Variants in ATF7IP observed in about 807,000 individuals in gnomAD.
ATF7IP encodes activating transcription factor 7 interacting protein, also known as activating transcription factor 7-interacting protein 1.
In ATF7IP, 23 loss-of-function variants were observed where a neutral mutation model predicts 106.4. The observed-to-expected ratio is 0.22, with a 90% CI of 0.16 to 0.31. ATF7IP has a LOEUF of 0.31. Among genes scored for constraint, ATF7IP ranks in the 10% least tolerant of loss-of-function variants. The pLI, the probability that ATF7IP is intolerant of heterozygous loss-of-function variation, is 1.00. For missense variants in ATF7IP, 1,334 were observed against 1,524.3 expected (o/e 0.88, Z 2.08); for synonymous variants, 542 against 539.0 (o/e 1.01, Z -0.08).
At chr12:14,423,574 C>CTTTTTT in intron 1 of ATF7IP, among the ~76,000 whole-genome samples, 9 of 34,380 alleles carry the variant, frequency 2.6e-4, no homozygotes, top group African/African-American at 5.9e-4. Context: ...TCTTCAGGTA[C>CTTTTTT]TTTTTTTTTT....
Position 14,424,821 on chromosome 12 carries a change from A to T in ATF7IP, c.906A>T (p.Glu302Asp). The change falls in exon 2 of 15, where the codon GAA becomes GAT. Residue 302 changes from glutamate to aspartate, a missense_variant. Glu to Asp is a conservative substitution (Grantham distance 45). This residue lies in a region of ATF7IP where 438 missense variants were observed against 405.3 expected (regional missense o/e 1.08). Transcript: ENST00000261168. ...KSVPVCEPVP[E>D]IDNIEPSSNK... ...TACCAGTTTGTGAACCAGTTCCTGA[A>T]ATTGACAATATAGAACCAAGTAGCA... 6.2e-7 allele frequency: 1 copy of T among 1,614,120 alleles called. No homozygotes were observed.
chr12:14,481,711 A>G (rs2136815653), intron 13 of ATF7IP: 2 of 353,880 alleles, frequency 5.7e-6, no homozygotes, highest in South Asian at 4.4e-5. Context: ...ATAGTACACA[A>G]TTTGATATTG....
At chr12:14,447,501 C>G (rs928629986) in intron 6 of ATF7IP, among the ~76,000 whole-genome samples, 2 of 151,920 alleles carry the variant, frequency 1.3e-5, no homozygotes, top group African/African-American at 4.8e-5. Flanking sequence ...AGGCTGGTCT[C>G]GAACTCCCAA....
In ATF7IP at chr12:14,460,758, A is replaced by G. The variant is rs748492722; in HGVS notation, c.2422A>G (p.Asn808Asp). The change falls in exon 9 of 15, where the codon AAT (asparagine) becomes GAT (aspartate). Residue 808 changes from asparagine (N) to aspartate (D), a missense_variant. Asn to Asp is a conservative substitution (Grantham distance 23, BLOSUM62 1). This residue lies in a region of ATF7IP where 16 missense variants were observed against 43.5 expected (regional missense o/e 0.37). Transcript: ENST00000261168. ...GAGCCATCCAGGGACTTTGGTGACT[A>G]ATCAACCATCTGGCAATGTTGAATT... ...LQSHPGTLVT[N>D]QPSGNVEFIS... 1.2e-6 allele frequency: 2 copies of G among 1,614,212 alleles called. No individual in the cohort carries two copies. Among genetic ancestry groups the G allele is most frequent in the South Asian group, 2.2e-5 (2 of 91,090 alleles).
intron 2 of ATF7IP, 23 bp downstream of exon 2, chr12:14,425,496 A>G: frequency 3.3e-6 from 5 of 1,492,996 alleles, no homozygotes; most frequent in Non-Finnish European, 4.4e-6. Flanking sequence ...CTTAAATGTT[A>G]AAGATTTTTT....
intron 10 of ATF7IP, among the ~76,000 whole-genome samples, chr12:14,471,194 C>G (rs1944028644): frequency 6.6e-6 from 1 of 151,842 alleles, no homozygotes; most frequent in Admixed American, 6.6e-5. Context: ...GTTATAAAGC[C>G]CCATCTATGG....
At chr12:14,447,632 A>G (rs1943035028) in intron 6 of ATF7IP, among the ~76,000 whole-genome samples, 1 of 152,126 alleles carries the variant, frequency 6.6e-6, no homozygotes, top group Admixed American at 6.5e-5. Flanking sequence ...CTTTAAAATT[A>G]GGCTTCAGGG....
intron 12 of ATF7IP, 123 bp downstream of exon 12, chr12:14,478,595 T>A: frequency 9.1e-7 from 1 of 1,104,618 alleles, no homozygotes; most frequent in Non-Finnish European, 1.3e-6. Context: ...AGGACTACAG[T>A]GCATGTCCTT....
chr12:14,432,429 T>C (rs1217257260), intron 2 of ATF7IP, among the ~76,000 whole-genome samples: 1 of 152,228 alleles, frequency 6.6e-6, no homozygotes, highest in African/African-American at 2.4e-5. Flanking sequence ...CAAATTTTTA[T>C]TTCACTGAAA....
chr12:14,424,582 G>A lies in ATF7IP; in HGVS notation c.667G>A (p.Asp223Asn). ...EPVPVEPISG[D>N]CAADDIASSE... ...GGTCCCTGTTGAACCCATTTCTGGTGATTGTGCCGCTGATGATATAGCCTC... is the reference window on the plus strand; with the variant it reads ...GGTCCCTGTTGAACCCATTTCTGGTAATTGTGCCGCTGATGATATAGCCTC... Residue 223 changes from aspartate (D) to asparagine (N), a missense_variant, in exon 2 of 15, where the codon GAT becomes AAT. Asp to Asn is a conservative substitution (Grantham distance 23, BLOSUM62 1). Transcript: ENST00000261168. The A allele has an allele frequency of 6.2e-7, 1 of 1,614,170 alleles. No homozygotes were observed.
chr12:14,474,181 G>C (rs1591942004), intron 10 of ATF7IP, among the ~76,000 whole-genome samples: 1 of 151,232 alleles, frequency 6.6e-6, no homozygotes, highest in Non-Finnish European at 1.5e-5. Context: ...ATTTTCTTCT[G>C]TTTTTCTTTG....
At chr12:14,489,786 C>T (rs749096195) in intron 13 of ATF7IP, among the ~76,000 whole-genome samples, 1 of 152,188 alleles carries the variant, frequency 6.6e-6, no homozygotes, top group Non-Finnish European at 1.5e-5. Flanking sequence ...GCTGCACTTA[C>T]TCAGCCGTAC....
At chr12:14,491,311 T>A (rs1221945125) in intron 13 of ATF7IP, among the ~76,000 whole-genome samples, 1 of 152,206 alleles carries the variant, frequency 6.6e-6, no homozygotes, top group East Asian at 1.9e-4. Flanking sequence ...CTAGACGTTG[T>A]GCTTATTTCT....
chr12:14,376,053 G>A (rs930650653), intron 1 of ATF7IP, among the ~76,000 whole-genome samples: 2 of 152,072 alleles, frequency 1.3e-5, no homozygotes, highest in African/African-American at 2.4e-5. Flanking sequence ...AAAAACAAAC[G>A]GGTATTTAAA....
At chr12:14,420,911 G>GCC (rs1374418414) in intron 1 of ATF7IP, among the ~76,000 whole-genome samples, 2 of 152,174 alleles carry the variant, frequency 1.3e-5, no homozygotes, top group African/African-American at 4.8e-5. Context: ...ACTGGTGATG[G>GCC]TAATGGTAAG....
At chr12:14,473,971 C>A (rs1268654406) in intron 10 of ATF7IP, among the ~76,000 whole-genome samples, 1 of 151,848 alleles carries the variant, frequency 6.6e-6, no homozygotes, top group Non-Finnish European at 1.5e-5. Flanking sequence ...AGTATTTGAA[C>A]TATGATGTGT....
At position 14,442,459 on chromosome 12, in the gene ATF7IP, C is replaced by T. The variant is rs78966638; in HGVS notation, c.1929+4192C>T. Among the ~76,000 whole-genome samples the T allele has an allele frequency of 9.3e-3, 1,416 of 152,218 alleles. 25 individuals are homozygous for T. The highest frequency in any genetic ancestry group is 0.032 in the African/African-American group (1,334 of 41,510). On this transcript the variant is annotated intron_variant, in intron 5 of 14. Coordinates refer to ENST00000261168, the MANE Select transcript of ATF7IP (RefSeq NM_018179.5). ...CTGGGTATAGTAACACTTAGCCAATCGAGTCCTGTTACAACAAATATAAAG... is the reference window on the plus strand; with the variant it reads ...CTGGGTATAGTAACACTTAGCCAATTGAGTCCTGTTACAACAAATATAAAG...
intron 1 of ATF7IP, among the ~76,000 whole-genome samples, chr12:14,390,881 T>C (rs567822452): frequency 6.6e-6 from 1 of 152,346 alleles, no homozygotes; most frequent in East Asian, 1.9e-4. Flanking sequence ...TTTCCCAGAG[T>C]GAAAGCCAGC....
chr12:14,486,103 T>C (rs1212267888), intron 13 of ATF7IP, among the ~76,000 whole-genome samples: 3 of 152,150 alleles, frequency 2.0e-5, no homozygotes, highest in African/African-American at 7.2e-5. Flanking sequence ...TGCCAGCTGC[T>C]AAGTATGTCA....
Sources: gnomAD v4.1 joint callset for allele counts (sites outside exome capture counted in the v4.1 genomes callset) on GRCh38, gnomAD v4.1.1 for gene constraint, gnomAD v4.1.1 regional missense constraint, MANE v1.5 for transcripts, NCBI Gene and HGNC (gene_info 2026-07-23, HGNC 2026-07-21) for gene names.